Variants in PIEZO2 observed in about 807,000 individuals in gnomAD.
PIEZO2 encodes the protein piezo type mechanosensitive ion channel component 2.
A neutral mutation model predicts 337.3 loss-of-function variants in PIEZO2; 172 were observed. That is an observed-to-expected ratio of 0.51 (90% CI 0.45 to 0.58). The LOEUF (loss-of-function observed/expected upper bound fraction) is 0.58. PIEZO2 is among the 20% of genes least tolerant of loss of function. The pLI is 0.00. For synonymous variants in PIEZO2, 1,251 were observed against 1,228.5 expected (o/e 1.02, Z -0.38); for missense variants, 3,028 against 3,391.3 (o/e 0.89, Z 2.66).
chr18:11,024,312 G>A (rs942919291), intron 2 of PIEZO2, among the ~76,000 whole-genome samples: 6 of 152,066 alleles, frequency 3.9e-5, no homozygotes, highest in East Asian at 3.9e-4. Flanking sequence ...CTGGGAGGCC[G>A]AGGCGAGCAG....
intron 47 of PIEZO2, among the ~76,000 whole-genome samples, chr18:10,693,960 AC>A (rs2034973795): frequency 6.6e-6 from 1 of 152,178 alleles, no homozygotes; most frequent in Non-Finnish European, 1.5e-5. Flanking sequence ...TAATATTTGT[AC>A]AAGCAGTGGC....
rs906746576 is a variant in PIEZO2, at chr18:11,035,166, C to A, written c.160+30961G>T. Reference sequence around the variant, plus strand: ...TGAGATGGTTTGGATACTGTCCTCTCTCCAATTTCTTGTTGAAATGTGATC... The same window carrying A: ...TGAGATGGTTTGGATACTGTCCTCTATCCAATTTCTTGTTGAAATGTGATC... On this transcript the variant is annotated intron_variant, in intron 2 of 55. Transcript: ENST00000674853. This position sits in a 1 kb window ranked among gnomAD's most constrained non-coding sequence, Gnocchi z 4.3. 6.6e-6 allele frequency among the ~76,000 whole-genome samples: 1 copy of A among 152,208 alleles called. No homozygotes were observed. Among genetic ancestry groups the A allele is most frequent in the Admixed American group, 6.5e-5 (1 of 15,284 alleles).
Position 10,794,201 on chromosome 18 carries a change from T to C in PIEZO2, c.1758+571A>G, listed in dbSNP as rs536592411. 6.6e-6 allele frequency among the ~76,000 whole-genome samples: 1 copy of C among 152,134 alleles called. No individual in the cohort carries two copies. The highest frequency in any genetic ancestry group is 2.4e-5 in the African/African-American group (1 of 41,490). ...AACCTAATCTTTTGAAATAAAACTGTTAAAATGGCCCATGAAAGCAAATAA... is the reference window on the plus strand; with the variant it reads ...AACCTAATCTTTTGAAATAAAACTGCTAAAATGGCCCATGAAAGCAAATAA... On this transcript the variant is annotated intron_variant, in intron 13 of 55. Coordinates refer to ENST00000674853, the MANE Select transcript of PIEZO2 (RefSeq NM_001378183.1). This position sits in a 1 kb window ranked among gnomAD's most constrained non-coding sequence, Gnocchi z 6.6.
intron 3 of PIEZO2, among the ~76,000 whole-genome samples, chr18:10,966,443 G>A (rs2034003190): frequency 6.6e-6 from 1 of 152,152 alleles, no homozygotes; most frequent in African/African-American, 2.4e-5. Context: ...GATGGCCAGA[G>A]TGCATTGTTT....
chr18:10,671,910 T>C (rs2033797323), intron 55 of PIEZO2, 131 bp from the exon 56 acceptor site: 1 of 837,284 alleles, frequency 1.2e-6, no homozygotes, highest in Admixed American at 3.5e-5. Flanking sequence ...AAATCTTACA[T>C]TTTTTCCCTT....
At chr18:10,965,642 C>T (rs978358039) in intron 3 of PIEZO2, among the ~76,000 whole-genome samples, 1 of 152,136 alleles carries the variant, frequency 6.6e-6, no homozygotes, top group African/African-American at 2.4e-5. Flanking sequence ...CTTATAAATC[C>T]ACTGTTATAA....
At chr18:10,820,711 C>T (rs1405649191) in intron 7 of PIEZO2, among the ~76,000 whole-genome samples, 3 of 152,148 alleles carry the variant, frequency 2.0e-5, no homozygotes, top group African/African-American at 7.2e-5. Context: ...GTTATTTCTA[C>T]ATTATCGAGT....
At chr18:11,025,040 G>T (rs551423626) in intron 2 of PIEZO2, among the ~76,000 whole-genome samples, 1 of 151,854 alleles carries the variant, frequency 6.6e-6, no homozygotes, top group Admixed American at 6.6e-5. Context: ...CATTTTACAC[G>T]GAAGCATTTC....
chr18:11,103,283 C>A (rs2039471402), intron 1 of PIEZO2, among the ~76,000 whole-genome samples: 1 of 152,110 alleles, frequency 6.6e-6, no homozygotes, highest in Non-Finnish European at 1.5e-5. Flanking sequence ...AAGATTCATG[C>A]CCTTTAGACA....
At chr18:11,121,892 T>G (rs2040036833) in intron 1 of PIEZO2, among the ~76,000 whole-genome samples, 1 of 152,252 alleles carries the variant, frequency 6.6e-6, no homozygotes, top group Non-Finnish European at 1.5e-5. Context: ...AATTCTCATG[T>G]GAATTCTACT....
chr18:10,705,530 G>A lies in PIEZO2; in HGVS notation c.5805C>T (p.Asp1935=), dbSNP rs766667512. The A allele has an allele frequency of 7.7e-5, 118 of 1,537,234 alleles. No individual in the cohort carries two copies. The Middle Eastern group carries it at 1.3e-3, about 17-fold the overall frequency. Reference sequence around the variant, plus strand: ...AGGAGGGTGGGGCCTCCACATCCCCGTCCAAGGTGGAGAACTGTGTCAGCT... The same window carrying A: ...AGGAGGGTGGGGCCTCCACATCCCCATCCAAGGTGGAGAACTGTGTCAGCT... ...EEELTQFSTL[D]GDVEAPPSYS... Residue 1935 remains aspartate, a synonymous_variant, in exon 41 of 56, where the codon GAC becomes GAT. Coordinates refer to ENST00000674853, the MANE Select transcript of PIEZO2 (RefSeq NM_001378183.1).
At chr18:10,887,671 T>C (rs1355714276) in intron 4 of PIEZO2, among the ~76,000 whole-genome samples, 6 of 152,206 alleles carry the variant, frequency 3.9e-5, no homozygotes, top group Admixed American at 6.5e-5. Context: ...TGGGATCCCA[T>C]TGGGAAGCAT....
rs76165949 is a variant in PIEZO2 at position 10,773,860 on chromosome 18, G to C, written c.2567+146C>G. On this transcript the variant is annotated intron_variant, in intron 19 of 55. Transcript: ENST00000674853. This position sits in a 1 kb window ranked among gnomAD's most constrained non-coding sequence, Gnocchi z 5.3. ...GGTTTTGTTAGCTTTTTTAATTCGG[G>C]TTCTAGTGATTAGTTGGTAATGAGA... 9.7e-6 allele frequency: 6 copies of C among 620,242 alleles called. No individual in the cohort carries two copies. Among genetic ancestry groups the C allele is most frequent in the Non-Finnish European group, 1.4e-5 (5 of 350,376 alleles). 38.4% of individuals were successfully genotyped at this position (620,242 alleles called of 1,614,324 possible). A position where few individuals can be genotyped will look rare whatever the true frequency, so the allele number is the denominator to read the frequency against.
At chr18:10,905,004 A>T (rs1407789342) in intron 4 of PIEZO2, among the ~76,000 whole-genome samples, 1 of 152,218 alleles carries the variant, frequency 6.6e-6, no homozygotes, top group African/African-American at 2.4e-5. Flanking sequence ...AAAATGTTCA[A>T]AGAAGAGAAT....
At chr18:10,788,636 G>A (rs1323553926) in intron 15 of PIEZO2, among the ~76,000 whole-genome samples, 2 of 152,066 alleles carry the variant, frequency 1.3e-5, no homozygotes, top group Non-Finnish European at 2.9e-5. Flanking sequence ...GGAGTGCAGT[G>A]GTACAAGCAT....
chr18:10,831,089 G>A (rs904186192), intron 7 of PIEZO2, among the ~76,000 whole-genome samples: 1 of 152,156 alleles, frequency 6.6e-6, no homozygotes. Context: ...ATGTCAATTA[G>A]CACAACCCCT....
chr18:11,141,117 T>A (rs751889022), intron 1 of PIEZO2, among the ~76,000 whole-genome samples: 1 of 152,230 alleles, frequency 6.6e-6, no homozygotes, highest in Non-Finnish European at 1.5e-5. Flanking sequence ...GTTTGTCTTA[T>A]CTAAGCATCA....
intron 40 of PIEZO2, among the ~76,000 whole-genome samples, chr18:10,706,514 G>A (rs1322015616): frequency 6.6e-6 from 1 of 152,122 alleles, no homozygotes; most frequent in East Asian, 1.9e-4. Flanking sequence ...GTGCGCTTCT[G>A]TTCTCTCCTA....
chr18:10,745,344 T>TA lies in PIEZO2; in HGVS notation c.4425-1114dup, dbSNP rs1295122669. ...ACATGCAAATATGCTCAAGTCTTGC[T>TA]AACCTTAAAAAAACGAAAAAGAAAA... On this transcript the variant is annotated intron_variant, in intron 30 of 55. Transcript: ENST00000674853. Among the ~76,000 whole-genome samples, 3 of 152,254 alleles carry TA rather than the reference T, an allele frequency of 2.0e-5. No individual in the cohort carries two copies. In the East Asian group the frequency reaches 5.8e-4, roughly 29 times the overall value.
Sources: gnomAD v4.1 joint callset for allele counts (sites outside exome capture counted in the v4.1 genomes callset) on GRCh38, gnomAD v4.1.1 for gene constraint, Gnocchi (gnomAD v3.1) non-coding constraint, MANE v1.5 for transcripts, NCBI Gene and HGNC (gene_info 2026-07-23, HGNC 2026-07-21) for gene names.